Variants in CCDC146 observed in about 807,000 individuals in gnomAD.
CCDC146 encodes the protein coiled-coil domain-containing protein 146.
CCDC146 carries 92 observed loss-of-function variants against 119.3 expected under a neutral mutation model. The observed-to-expected ratio is 0.77, with a 90% CI of 0.65 to 0.92. The LOEUF (loss-of-function observed/expected upper bound fraction) is 0.92. Among genes scored for constraint, CCDC146 ranks in the 40% least tolerant of loss-of-function variants. CCDC146 has a pLI of 0.00. For missense variants in CCDC146, 1,000 were observed against 1,103.0 expected (o/e 0.91, Z 1.32); for synonymous variants, 372 against 371.8 (o/e 1.00, Z -0.01).
At chr7:77,287,869 C>A (rs1181076463) in intron 17 of CCDC146, among the ~76,000 whole-genome samples, 1 of 152,234 alleles carries the variant, frequency 6.6e-6, no homozygotes, top group Non-Finnish European at 1.5e-5. Flanking sequence ...GTATTTCATG[C>A]ACAAAGTTAA....
At chr7:77,129,241 C>T in intron 1 of CCDC146, among the ~76,000 whole-genome samples, 1 of 152,134 alleles carries the variant, frequency 6.6e-6, no homozygotes, top group Non-Finnish European at 1.5e-5. Context: ...GTCTACCCTA[C>T]CCACCCAATT....
At chr7:77,269,663 C>G (rs1793472244) in intron 9 of CCDC146, among the ~76,000 whole-genome samples, 1 of 152,224 alleles carries the variant, frequency 6.6e-6, no homozygotes, top group Admixed American at 6.5e-5. Flanking sequence ...TATGACACTA[C>G]TAGCTATTAA....
chr7:77,140,441 A>G (rs942928615), intron 1 of CCDC146, among the ~76,000 whole-genome samples: 1 of 152,238 alleles, frequency 6.6e-6, no homozygotes, highest in Non-Finnish European at 1.5e-5. Flanking sequence ...GATACTGATC[A>G]TGCTGGCATG....
chr7:77,235,627 T>A (rs1375982864), intron 2 of CCDC146, among the ~76,000 whole-genome samples: 4 of 152,130 alleles, frequency 2.6e-5, no homozygotes, highest in African/African-American at 9.7e-5. Context: ...AGTGTTTTGA[T>A]CACCCAGCAT....
chr7:77,224,166 A>G (rs1338002508), intron 2 of CCDC146, among the ~76,000 whole-genome samples: 1 of 152,228 alleles, frequency 6.6e-6, no homozygotes, highest in African/African-American at 2.4e-5. Flanking sequence ...TTATCATCTA[A>G]TAATTCTGTA....
At chr7:77,151,545 C>T (rs1226765003) in intron 1 of CCDC146, among the ~76,000 whole-genome samples, 1 of 152,024 alleles carries the variant, frequency 6.6e-6, no homozygotes, top group Admixed American at 6.6e-5. Context: ...CAACTGTCAA[C>T]GTTTGTAAAA....
intron 5 of CCDC146, among the ~76,000 whole-genome samples, chr7:77,255,880 T>C (rs1168313674): frequency 6.6e-6 from 1 of 152,224 alleles, no homozygotes; most frequent in Non-Finnish European, 1.5e-5. Context: ...TATCCAAATA[T>C]GAACACCTTT....
chr7:77,176,436 G>A lies in CCDC146; in HGVS notation c.156+8612G>A, dbSNP rs573627072. 2.9e-3 allele frequency among the ~76,000 whole-genome samples: 443 copies of A among 151,042 alleles called. 26 individuals carry two copies. The highest frequency in any genetic ancestry group is 0.01 in the African/African-American group (414 of 40,624). On this transcript the variant is annotated intron_variant, in intron 2 of 18. Transcript: ENST00000285871. Reference sequence around the variant, plus strand: ...TGTCTGAGTGGATGGAGTGGGTGAGGAAAAGATTCTAAATTGATGCTTGGC... The same window carrying A: ...TGTCTGAGTGGATGGAGTGGGTGAGAAAAAGATTCTAAATTGATGCTTGGC...
At position 77,162,061 on chromosome 7, in the gene CCDC146, A is replaced by G. The variant is rs1442838251; in HGVS notation, c.-11-5597A>G. On this transcript the variant is annotated intron_variant, in intron 1 of 18. Coordinates refer to ENST00000285871, the MANE Select transcript of CCDC146 (RefSeq NM_020879.3). ...GTTTTGGATGTTAACCCCTTGTCAC[A>G]TATATAGTTTGCAAATATTTCCTCC... Among the ~76,000 whole-genome samples the G allele has an allele frequency of 3.3e-5, 5 of 152,240 alleles. No individual in the cohort carries two copies. The East Asian group carries it at 9.7e-4, about 29-fold the overall frequency.
intron 2 of CCDC146, chr7:77,199,428 C>T (rs528029992): frequency 1.9e-6 from 3 of 1,614,124 alleles, no homozygotes; most frequent in South Asian, 1.1e-5. Context: ...CAACCTCTCC[C>T]GGGGCTCCTG....
Position 77,154,526 on chromosome 7 carries a change from A to C in CCDC146, c.-11-13132A>C, listed in dbSNP as rs188486000. On this transcript the variant is annotated intron_variant, in intron 1 of 18. Coordinates refer to ENST00000285871, the MANE Select transcript of CCDC146 (RefSeq NM_020879.3). ...TGTGTCCATGTGTTCTCATTGTTCA[A>C]TTCCCACCTATGAGTGAGAACATGC... Among the ~76,000 whole-genome samples the C allele has an allele frequency of 5.0e-3, 724 of 146,136 alleles. 8 individuals carry two copies. Among genetic ancestry groups the C allele is most frequent in the African/African-American group, 0.017 (675 of 39,236 alleles).
intron 18 of CCDC146, among the ~76,000 whole-genome samples, chr7:77,293,653 C>T (rs1394770821): frequency 1.3e-5 from 2 of 152,246 alleles, no homozygotes; most frequent in East Asian, 1.9e-4. Context: ...GCTTGATGTA[C>T]ATCATAGGCC....
At chr7:77,261,347 C>T (rs978750552) in intron 8 of CCDC146, among the ~76,000 whole-genome samples, 45 of 152,130 alleles carry the variant, frequency 3.0e-4, no homozygotes, top group African/African-American at 1.1e-3. Flanking sequence ...CATTTTGCTC[C>T]CACTTATAAG....
At chr7:77,211,598 ATTTTT>A (rs952830091) in intron 2 of CCDC146, among the ~76,000 whole-genome samples, 2 of 151,302 alleles carry the variant, frequency 1.3e-5, no homozygotes, top group African/African-American at 4.9e-5. Context: ...CTTCTATTTT[ATTTTT>A]TTTATTTTTA....
intron 2 of CCDC146, among the ~76,000 whole-genome samples, chr7:77,223,892 G>C (rs1428848762): frequency 6.6e-6 from 1 of 152,114 alleles, no homozygotes; most frequent in Non-Finnish European, 1.5e-5. Flanking sequence ...AAATAATAGA[G>C]GCATCTGAAA....
intron 1 of CCDC146, among the ~76,000 whole-genome samples, chr7:77,146,793 G>A (rs558062140): frequency 4.3e-4 from 66 of 152,280 alleles, no homozygotes; most frequent in African/African-American, 1.4e-3. Context: ...TTAGTCTGAT[G>A]GGTTTCCCTT....
At chr7:77,145,506 T>C (rs1196648266) in intron 1 of CCDC146, among the ~76,000 whole-genome samples, 1 of 151,904 alleles carries the variant, frequency 6.6e-6, no homozygotes, top group Non-Finnish European at 1.5e-5. Context: ...TTAATTGTGA[T>C]GTTAGGGTGT....
In CCDC146 at chr7:77,158,154, T is replaced by C. The variant is rs1248399062; in HGVS notation, c.-11-9504T>C. Among the ~76,000 whole-genome samples, 4 of 152,164 alleles carry C rather than the reference T, an allele frequency of 2.6e-5. No homozygotes were observed. In the East Asian group the frequency reaches 7.7e-4, roughly 29 times the overall value. On this transcript the variant is annotated intron_variant, in intron 1 of 18. Transcript: ENST00000285871. ...ACGTTGCTTTTTATTTGGGCTTATTTTACCTCAGCTTATGTGACAGAGAAC... is the reference window on the plus strand; with the variant it reads ...ACGTTGCTTTTTATTTGGGCTTATTCTACCTCAGCTTATGTGACAGAGAAC...
chr7:77,250,486 T>G (rs1406713464), intron 4 of CCDC146, among the ~76,000 whole-genome samples: 1 of 152,218 alleles, frequency 6.6e-6, no homozygotes, highest in Non-Finnish European at 1.5e-5. Flanking sequence ...CTCAACACTT[T>G]AAATATTTCA....
Sources: gnomAD v4.1 joint callset for allele counts (sites outside exome capture counted in the v4.1 genomes callset) on GRCh38, gnomAD v4.1.1 for gene constraint, MANE v1.5 for transcripts, NCBI Gene and HGNC (gene_info 2026-07-23, HGNC 2026-07-21) for gene names.